Variants in ALDH3A1 observed in about 807,000 individuals in gnomAD.
The protein encoded by ALDH3A1 is aldehyde dehydrogenase, dimeric NADP-preferring.
In ALDH3A1, 46 loss-of-function variants were observed where a neutral mutation model predicts 49.9. That is an observed-to-expected ratio of 0.92 (90% confidence interval 0.73 to 1.18). ALDH3A1 has a LOEUF of 1.18. Among genes scored for constraint, ALDH3A1 ranks in the 50% most tolerant of loss-of-function variants. The pLI is 0.00. For missense variants in ALDH3A1, 592 were observed against 611.8 expected (o/e 0.97, Z 0.34); for synonymous variants, 269 against 253.3 (o/e 1.06, Z -0.59).
rs1169356586 is a variant in ALDH3A1 at position 19,743,938 on chromosome 17, C to T, written c.163-475G>A. The stretch of plus-strand genomic sequence containing the variant: ...ACCAAGGGCTGCTGGGCGCTCAGGG[C>T]CTCCTGTGGGGAGCAGGGGTGAGAA... On this transcript the variant is annotated intron_variant, in intron 2 of 10. Coordinates refer to ENST00000225740, the MANE Select transcript of ALDH3A1 (RefSeq NM_000691.5). This position sits in a 1 kb window ranked among gnomAD's most constrained non-coding sequence, Gnocchi z 4.4. 48 of 985,110 alleles carry T rather than the reference C, an allele frequency of 4.9e-5. No individual in the cohort carries two copies. Among genetic ancestry groups the T allele is most frequent in the Non-Finnish European group, 5.7e-5 (47 of 829,882 alleles). 61.0% of individuals were successfully genotyped at this position (985,110 alleles called of 1,614,324 possible). A position where few individuals can be genotyped will look rare whatever the true frequency, so the allele number is the denominator to read the frequency against.
In ALDH3A1 at chr17:19,741,190, A is replaced by C. The variant is rs2086485462; in HGVS notation, c.710T>G (p.Phe237Cys). ...CACGCAGGTCTGGCCACTGTTCATGAATTTCCCCCAGGCGATGCGTCTGTG... is the reference window on the plus strand; with the variant it reads ...CACGCAGGTCTGGCCACTGTTCATGCATTTCCCCCAGGCGATGCGTCTGTG... ...VACRRIAWGK[F>C]MNSGQTCVAP... The change falls in exon 6 of 11, where the codon TTC becomes TGC. Residue 237 changes from phenylalanine (F) to cysteine (C), a missense_variant. Phe to Cys is a radical substitution (Grantham distance 205, BLOSUM62 -2). Coordinates refer to ENST00000225740, the MANE Select transcript of ALDH3A1 (RefSeq NM_000691.5). The C allele has an allele frequency of 3.7e-6, 6 of 1,613,968 alleles. No individual in the cohort carries two copies. The East Asian group carries it at 1.3e-4, about 36-fold the overall frequency.
At chr17:19,746,700 C>CGT (rs1045070385) in intron 1 of ALDH3A1, among the ~76,000 whole-genome samples, 1 of 144,504 alleles carries the variant, frequency 6.9e-6, no homozygotes, top group African/African-American at 2.6e-5. Flanking sequence ...TGTGTGCGTG[C>CGT]GTGTGTGTGC....
rs747249179 is a variant in ALDH3A1 at position 19,742,744 on chromosome 17, GGAA to G, written c.395-117_395-115del. 9.6e-6 allele frequency: 15 copies of G among 1,568,348 alleles called. No homozygotes were observed. The South Asian group carries it at 1.6e-4, about 17-fold the overall frequency. ...ATTGTGTGTCCTCGGGACAGTGGAT[GGAA>G]GAGTTGTTAGCAAACAAGCACATGT... On this transcript the variant is annotated intron_variant, in intron 3 of 10. Transcript: ENST00000225740.
intron 6 of ALDH3A1, 27 bp from the exon 7 acceptor site, chr17:19,740,504 G>T (rs754682982): frequency 6.2e-7 from 1 of 1,612,228 alleles, no homozygotes; most frequent in East Asian, 2.2e-5. Flanking sequence ...GGGGCTTCGG[G>T]TAAGGACGCA....
intron 2 of ALDH3A1, chr17:19,744,521 G>A (rs1439102280): frequency 1.0e-6 from 1 of 985,358 alleles, no homozygotes; most frequent in Non-Finnish European, 1.2e-6. Flanking sequence ...AGGGGGCTGC[G>A]AATGCAGAGG....
At chr17:19,745,810 T>C (rs2086588282) in intron 1 of ALDH3A1, 1 of 152,224 alleles carries the variant, frequency 6.6e-6, no homozygotes, top group African/African-American at 2.4e-5. Context: ...TTTGGCAATA[T>C]GTGGCAAAAG....
At chr17:19,744,795 G>A (rs1026260405) in intron 2 of ALDH3A1, 173 bp downstream of exon 2, 77 of 1,367,916 alleles carry the variant, frequency 5.6e-5, no homozygotes, top group Admixed American at 7.3e-5. Flanking sequence ...GGCGGCGGGG[G>A]CGCGCGGGGC....
At chr17:19,744,512 G>T in intron 2 of ALDH3A1, 2 of 985,470 alleles carry the variant, frequency 2.0e-6, no homozygotes, top group Non-Finnish European at 2.4e-6. Context: ...GGGGACAGCA[G>T]GGGGCTGCGA....
chr17:19,743,506 G>A lies in ALDH3A1; in HGVS notation c.163-43C>T, dbSNP rs752001727. The A allele has an allele frequency of 8.0e-5, 124 of 1,547,864 alleles. No homozygotes were observed. Among genetic ancestry groups the A allele is most frequent in the Non-Finnish European group, 1.0e-4 (120 of 1,145,448 alleles). Reference sequence around the variant, plus strand: ...GAGTGAGCTTCCAGGGCCAGGGCCCGCCTGCAGCTGGGGCGAGTGGGGAGC... The same window carrying A: ...GAGTGAGCTTCCAGGGCCAGGGCCCACCTGCAGCTGGGGCGAGTGGGGAGC... On this transcript the variant is annotated intron_variant, in intron 2 of 10. Coordinates refer to ENST00000225740, the MANE Select transcript of ALDH3A1 (RefSeq NM_000691.5). This position sits in a 1 kb window ranked among gnomAD's most constrained non-coding sequence, Gnocchi z 4.4.
intron 2 of ALDH3A1, 67 bp downstream of exon 2, chr17:19,744,901 G>T: frequency 1.2e-5 from 5 of 434,630 alleles, no homozygotes; most frequent in South Asian, 9.2e-5. Flanking sequence ...ACTCTCCCCA[G>T]CCCCTCCCCC....
intron 4 of ALDH3A1, 70 bp downstream of exon 4, chr17:19,742,475 A>AC (rs527585171): frequency 1.3e-6 from 2 of 1,512,938 alleles, no homozygotes; most frequent in Admixed American, 1.9e-5. Flanking sequence ...ACTATTTCTC[A>AC]CCCCCCAAAG....
intron 1 of ALDH3A1, 41 bp from the exon 2 acceptor site, chr17:19,745,175 G>A (rs747290788): frequency 6.6e-7 from 1 of 1,523,876 alleles, no homozygotes; most frequent in Admixed American, 1.9e-5. Flanking sequence ...AGGGGCACGA[G>A]CGCGCCCTGC....
chr17:19,744,213 G>T, intron 2 of ALDH3A1: 2 of 776,902 alleles, frequency 2.6e-6, no homozygotes, highest in Non-Finnish European at 1.6e-6. Flanking sequence ...AGACCAGCCT[G>T]TCCAACATGG....
chr17:19,747,695 G>A (rs1178505954), intron 1 of ALDH3A1, among the ~76,000 whole-genome samples: 1 of 152,050 alleles, frequency 6.6e-6, no homozygotes, highest in Non-Finnish European at 1.5e-5. Flanking sequence ...AGAGCCCGTC[G>A]CCTCACACCC....
rs561824134 is a variant in ALDH3A1 at position 19,743,639 on chromosome 17, G to A, written c.163-176C>T. 1.0e-4 allele frequency: 142 copies of A among 1,417,922 alleles called. No homozygotes were observed. Among genetic ancestry groups the A allele is most frequent in the Non-Finnish European group, 1.2e-4 (132 of 1,090,970 alleles). 87.8% of individuals were successfully genotyped at this position (1,417,922 alleles called of 1,614,324 possible). ...AGAGCCAGGATTAGCCGTTGGACCT[G>A]TGGGTCTGAGAGGACCCCTTTCTGC... is the stretch of plus-strand genomic sequence containing the variant. On this transcript the variant is annotated intron_variant, in intron 2 of 10. Coordinates refer to ENST00000225740, the MANE Select transcript of ALDH3A1 (RefSeq NM_000691.5). This position sits in a 1 kb window ranked among gnomAD's most constrained non-coding sequence, Gnocchi z 4.4.
At chr17:19,738,902 C>T (rs572977809) in intron 9 of ALDH3A1, 94 bp downstream of exon 9, 22 of 1,131,438 alleles carry the variant, frequency 1.9e-5, no homozygotes, top group Middle Eastern at 2.1e-4. Context: ...GGCTGCCGCC[C>T]GGGCTGCAGG....
At position 19,745,287 on chromosome 17, in the gene ALDH3A1, T is replaced by C. The variant is rs118057522; in HGVS notation, c.-5-153A>G. ...GGTCCACTTTCTGCCTCGCCTCCTC[T>C]CCCGCCCCTCACTCAGACGCCTGGG... On this transcript the variant is annotated intron_variant, in intron 1 of 10. Coordinates refer to ENST00000225740, the MANE Select transcript of ALDH3A1 (RefSeq NM_000691.5). The C allele has an allele frequency of 2.3e-3, 1,803 of 778,244 alleles. 41 individuals carry two copies. In the East Asian group the frequency reaches 0.047, roughly 20 times the overall value. 48.2% of individuals were successfully genotyped at this position (778,244 alleles called of 1,614,324 possible).
chr17:19,743,433 C>A lies in ALDH3A1; in HGVS notation c.193G>T (p.Val65Leu). Residue 65 changes from valine to leucine, a missense_variant, in exon 3 of 11, where the codon GTG becomes TTG. Coordinates refer to ENST00000225740, the MANE Select transcript of ALDH3A1 (RefSeq NM_000691.5). The surrounding 1 kb of genome is among the most constrained non-coding windows in gnomAD (Gnocchi z 4.4). ...NEWNAYYEEV[V>L]YVLEEIEYMI... ...TACTCGATCTCCTCTAGGACGTACA[C>A]CACCTCCTCATAGTAGGCGTTCCAT... 1 of 1,610,546 alleles carries A rather than the reference C, an allele frequency of 6.2e-7. No homozygotes were observed.
chr17:19,741,985 G>A lies in ALDH3A1; in HGVS notation c.689+19C>T, dbSNP rs1283047813. On this transcript the variant is annotated intron_variant, in intron 5 of 10. Transcript: ENST00000225740. The stretch of plus-strand genomic sequence containing the variant: ...AGCAGAGTAAGGACTGCTGCAGCCA[G>A]CAGGCCCGTGCCTCTCACCGGCAGG... The A allele has an allele frequency of 6.2e-7, 1 of 1,612,632 alleles. No homozygotes were observed. The highest frequency in any genetic ancestry group is 8.5e-7 in the Non-Finnish European group (1 of 1,179,230).
Sources: allele counts gnomAD v4.1 joint callset (sites outside exome capture counted in the v4.1 genomes callset), GRCh38; gene constraint gnomAD v4.1.1; non-coding constraint Gnocchi (gnomAD v3.1); transcripts MANE v1.5; gene names NCBI Gene and HGNC (gene_info 2026-07-23, HGNC 2026-07-21).